Variants in NECAB2 observed in about 807,000 individuals in gnomAD.
The protein encoded by NECAB2 is N-terminal EF-hand calcium binding protein 2.
In NECAB2, 68 loss-of-function variants were observed where a neutral mutation model predicts 51.9. That is an observed-to-expected ratio of 1.31 (90% CI 1.08 to 1.60). The LOEUF is 1.60. Ranked by LOEUF, NECAB2 falls within the 40% of genes most tolerant of loss-of-function variation. NECAB2 has a pLI of 0.00. For missense variants in NECAB2, 854 were observed against 490.3 expected (o/e 1.74, Z -7.00); for synonymous variants, 329 against 203.5 (o/e 1.62, Z -5.25).
intron 2 of NECAB2, among the ~76,000 whole-genome samples, chr16:83,973,011 A>T (rs1218677083): frequency 6.6e-6 from 1 of 152,248 alleles, no homozygotes; most frequent in Non-Finnish European, 1.5e-5. Context: ...GTGGGGCAAT[A>T]ACACTTGCCC....
chr16:83,968,096 AAGGGGGCGGCCTG>A (rs966777092), upstream of NECAB2, among the ~76,000 whole-genome samples: 2 of 151,788 alleles, frequency 1.3e-5, no homozygotes, highest in African/African-American at 4.8e-5. Flanking sequence ...TTTTGTAACC[AAGGGGGCGGCCTG>A]AGGGGGCGTG....
At position 83,998,274 on chromosome 16, in the gene NECAB2, C is replaced by A. The variant is rs141800256; in HGVS notation, c.919C>A (p.Arg307Ser). The A allele has an allele frequency of 1.9e-6, 3 of 1,613,318 alleles. No individual in the cohort carries two copies. The highest frequency in any genetic ancestry group is 1.3e-5 in the African/African-American group (1 of 74,902). Residue 307 changes from arginine to serine, a missense_variant, in exon 10 of 13, where the codon CGC becomes AGC. Coordinates refer to ENST00000305202, the MANE Select transcript of NECAB2 (RefSeq NM_019065.3). The stretch of plus-strand genomic sequence containing the variant: ...ACTGAGCGAGTTTCTGGACTCTCTG[C>A]GCCAGTATCTGCGGGGGACCACTGG... ...EQLSEFLDSLRQYLRGTTGVR... is the reference protein window; with the variant it reads ...EQLSEFLDSLSQYLRGTTGVR...
chr16:84,002,714 TG>T lies in NECAB2; in HGVS notation c.*369del. The stretch of plus-strand genomic sequence containing the variant: ...CCTAGTAGGAGTCATGCCCCTGTAG[TG>T]CCCAACCTAGCCAGGTAGCCACCAC... On this transcript the variant is annotated 3_prime_UTR_variant, in exon 13 of 13. Coordinates refer to ENST00000305202, the MANE Select transcript of NECAB2 (RefSeq NM_019065.3). The T allele has an allele frequency of 3.6e-6, 1 of 281,368 alleles. No individual in the cohort carries two copies. Among genetic ancestry groups the T allele is most frequent in the South Asian group, 5.8e-5 (1 of 17,228 alleles). The allele number at this position is 281,368 out of a possible 1,614,324, so 17.4% of individuals were successfully genotyped here.
At chr16:83,977,701 T>C (rs1289903140) in intron 2 of NECAB2, among the ~76,000 whole-genome samples, 1 of 152,156 alleles carries the variant, frequency 6.6e-6, no homozygotes, top group Non-Finnish European at 1.5e-5. Context: ...GGCATCTAGA[T>C]GGCTGCATCT....
intron 3 of NECAB2, among the ~76,000 whole-genome samples, chr16:83,979,604 C>T (rs2084458802): frequency 6.6e-6 from 1 of 152,096 alleles, no homozygotes; most frequent in Admixed American, 6.6e-5. Flanking sequence ...TCCTGGGGTG[C>T]TTTGAAGGGG....
chr16:83,974,136 AC>A (rs2084379022), intron 2 of NECAB2, among the ~76,000 whole-genome samples: 1 of 152,034 alleles, frequency 6.6e-6, no homozygotes, highest in African/African-American at 2.4e-5. Context: ...CTTACCAGCC[AC>A]CACTATGTGA....
At chr16:83,991,474 C>G (rs1031868422) in intron 6 of NECAB2, among the ~76,000 whole-genome samples, 1 of 149,274 alleles carries the variant, frequency 6.7e-6, no homozygotes, top group African/African-American at 2.5e-5. Context: ...TCAAGCGATT[C>G]TCCTGCCTCA....
rs1035934616 is a variant in NECAB2, at chr16:84,002,668, C to A, written c.*322C>A. The A allele has an allele frequency of 2.3e-6, 1 of 436,932 alleles. No homozygotes were observed. Among genetic ancestry groups the A allele is most frequent in the Non-Finnish European group, 4.2e-6 (1 of 238,228 alleles). The allele number at this position is 436,932 out of a possible 1,614,324, so 27.1% of individuals were successfully genotyped here. A position where few individuals can be genotyped will look rare whatever the true frequency, so the allele number is the denominator to read the frequency against. ...TGACCCACACTGACCACACCCTGCC[C>A]TCTTCGGTGACATTCTTCTACCTAG... On this transcript the variant is annotated 3_prime_UTR_variant, in exon 13 of 13. Coordinates refer to ENST00000305202, the MANE Select transcript of NECAB2 (RefSeq NM_019065.3).
intron 2 of NECAB2, among the ~76,000 whole-genome samples, chr16:83,976,866 G>T (rs1384509219): frequency 6.6e-6 from 1 of 152,240 alleles, no homozygotes; most frequent in East Asian, 1.9e-4. Context: ...CTCTCACCCT[G>T]TGTTGAGCTC....
chr16:83,977,771 C>T (rs765016570), intron 2 of NECAB2, among the ~76,000 whole-genome samples: 1 of 152,238 alleles, frequency 6.6e-6, no homozygotes, highest in Admixed American at 6.5e-5. Context: ...CCATCTCATG[C>T]TGCCTCAGGG....
intron 8 of NECAB2, 113 bp downstream of exon 8, chr16:83,994,801 A>G: frequency 8.3e-7 from 1 of 1,206,678 alleles, no homozygotes; most frequent in Non-Finnish European, 1.2e-6. Context: ...GGGAACCATG[A>G]AAAAGACATC....
intron 2 of NECAB2, among the ~76,000 whole-genome samples, chr16:83,975,725 T>C (rs1295138114): frequency 6.6e-6 from 1 of 152,140 alleles, no homozygotes; most frequent in Admixed American, 6.5e-5. Flanking sequence ...AGCATTTCCC[T>C]TCAGGGACAT....
intron 12 of NECAB2, 46 bp from the exon 13 acceptor site, chr16:84,002,272 G>A (rs2084852821): frequency 6.8e-6 from 11 of 1,606,670 alleles, no homozygotes; most frequent in African/African-American, 2.7e-5. Flanking sequence ...CTACGAGGCT[G>A]CCCACATTCG....
chr16:83,966,286 C>T (rs1483785543), upstream of NECAB2: 1 of 484,268 alleles, frequency 2.1e-6, no homozygotes, highest in African/African-American at 1.9e-5. Context: ...ACCTGCAGCC[C>T]TGCGCCTTCC....
chr16:83,997,238 A>C lies in NECAB2; in HGVS notation c.818A>C (p.Gln273Pro). Residue 273 changes from glutamine (Q) to proline (P), a missense_variant, in exon 9 of 13, where the codon CAG becomes CCG. Gln to Pro is a moderately conservative substitution (Grantham distance 76, BLOSUM62 -1). Transcript: ENST00000305202. ...CAGGCACTGTGGTTCGACCTGCAGC[A>C]GCGCCTGTCAGATGAAGATGGCACC... ...ESKALWFDLQ[Q>P]RLSDEDGTNM... 1 of 1,614,130 alleles carries C rather than the reference A, an allele frequency of 6.2e-7. No individual in the cohort carries two copies. The highest frequency in any genetic ancestry group is 8.5e-7 in the Non-Finnish European group (1 of 1,180,018).
chr16:83,977,367 C>G (rs116844260), intron 2 of NECAB2, among the ~76,000 whole-genome samples: 1,829 of 152,210 alleles, frequency 0.012, 19 homozygotes, highest in South Asian at 0.025. Context: ...CAGGTCTGTT[C>G]AGGTGGAAGG....
At chr16:83,982,112 C>G (rs950573394) in intron 5 of NECAB2, among the ~76,000 whole-genome samples, 2 of 152,170 alleles carry the variant, frequency 1.3e-5, no homozygotes, top group African/African-American at 2.4e-5. Context: ...GGACCAAGCT[C>G]GGAGCAAAGG....
At chr16:83,970,950 C>T (rs998584874) in intron 1 of NECAB2, among the ~76,000 whole-genome samples, 5 of 152,248 alleles carry the variant, frequency 3.3e-5, no homozygotes, top group South Asian at 2.1e-4. Flanking sequence ...AAAAATTAGC[C>T]AGTTGTGATG....
upstream of NECAB2, chr16:83,966,006 A>G (rs1157887309): frequency 2.6e-6 from 4 of 1,554,400 alleles, no homozygotes; most frequent in Non-Finnish European, 3.5e-6. Flanking sequence ...AAGCCACCCT[A>G]ACACTCGGCC....
Sources: gnomAD v4.1 joint callset for allele counts (sites outside exome capture counted in the v4.1 genomes callset) on GRCh38, gnomAD v4.1.1 for gene constraint, MANE v1.5 for transcripts, NCBI Gene and HGNC (gene_info 2026-07-23, HGNC 2026-07-21) for gene names.